The following ATRN variants were observed in gnomAD, a reference collection of about 807,000 sequenced individuals.
ATRN encodes attractin-2.
A neutral mutation model predicts 178.7 loss-of-function variants in ATRN; 54 were observed. That is an observed-to-expected ratio of 0.30 (90% CI 0.24 to 0.38). The LOEUF is 0.38. ATRN is among the 10% of genes least tolerant of loss of function. ATRN has a pLI of 1.00. For missense variants in ATRN, 1,443 were observed against 1,815.1 expected, an observed-to-expected ratio of 0.79 and a Z score of 3.73; for synonymous variants, 636 against 663.0, an observed-to-expected ratio of 0.96 and a Z score of 0.63.
chr20:3,498,154 G>C (rs1204065515), intron 1 of ATRN, among the ~76,000 whole-genome samples: 4 of 152,116 alleles, frequency 2.6e-5, no homozygotes, highest in Non-Finnish European at 5.9e-5. Flanking sequence ...TCTCTGAATA[G>C]ACCAATAACA....
intron 1 of ATRN, among the ~76,000 whole-genome samples, chr20:3,478,476 C>T (rs746425584): frequency 4.6e-5 from 7 of 151,988 alleles, no homozygotes; most frequent in African/African-American, 7.2e-5. Context: ...AACCAAACAC[C>T]GCATGTTCTC....
intron 1 of ATRN, among the ~76,000 whole-genome samples, chr20:3,527,878 T>G (rs2085390685): frequency 7.7e-6 from 1 of 130,080 alleles, no homozygotes; most frequent in African/African-American, 3.0e-5. Context: ...TTAGAACACA[T>G]GAACACAGGG....
intron 1 of ATRN, among the ~76,000 whole-genome samples, chr20:3,516,862 A>T (rs2085212477): frequency 1.3e-5 from 2 of 152,016 alleles, no homozygotes; most frequent in South Asian, 2.1e-4. Context: ...TATATGTGCC[A>T]CATTTTCTTT....
rs116913903 is a variant in ATRN, at chr20:3,558,184, A to C, written c.1113-1209A>C. ...TTATACATTACAGATATATGAAAGT[A>C]TAGTAGAATTAATAAATTTTCTGTT... On this transcript the variant is annotated intron_variant, in intron 6 of 28. Coordinates refer to ENST00000262919, the MANE Select transcript of ATRN (RefSeq NM_139321.3). Among the ~76,000 whole-genome samples, 50 of 152,348 alleles carry C rather than the reference A, an allele frequency of 3.3e-4. No homozygotes were observed. The East Asian group carries it at 9.4e-3, about 29-fold the overall frequency.
At chr20:3,504,737 A>G (rs866560370) in intron 1 of ATRN, among the ~76,000 whole-genome samples, 1 of 138,148 alleles carries the variant, frequency 7.2e-6, no homozygotes, top group Non-Finnish European at 1.6e-5. Flanking sequence ...AATAATAATA[A>G]TAGACTGCCC....
At chr20:3,533,363 G>T (rs539128936) in intron 1 of ATRN, among the ~76,000 whole-genome samples, 63 of 152,330 alleles carry the variant, frequency 4.1e-4, no homozygotes, top group African/African-American at 1.5e-3. Flanking sequence ...CTAGTAAAAA[G>T]AATTCTGATT....
chr20:3,527,457 C>T (rs1027665235), intron 1 of ATRN, among the ~76,000 whole-genome samples: 9 of 152,138 alleles, frequency 5.9e-5, no homozygotes, highest in South Asian at 2.1e-4. Flanking sequence ...GAAATAGGAA[C>T]GCTTTTACAC....
At chr20:3,574,870 C>T (rs570899899) in intron 12 of ATRN, among the ~76,000 whole-genome samples, 9 of 152,024 alleles carry the variant, frequency 5.9e-5, no homozygotes, top group South Asian at 2.1e-4. Context: ...TTTGTGAGAG[C>T]GGCACCTGCC....
intron 23 of ATRN, among the ~76,000 whole-genome samples, chr20:3,602,314 A>G (rs2086620760): frequency 6.6e-6 from 1 of 151,888 alleles, no homozygotes; most frequent in Non-Finnish European, 1.5e-5. Context: ...TGGGTGACAG[A>G]GTGAAACTCC....
intron 15 of ATRN, among the ~76,000 whole-genome samples, chr20:3,579,743 C>T (rs954239358): frequency 6.6e-6 from 1 of 152,142 alleles, no homozygotes; most frequent in Non-Finnish European, 1.5e-5. Flanking sequence ...AAAGCTCTTT[C>T]AGCAGTTTCA....
Position 3,545,801 on chromosome 20 carries a change from C to T in ATRN, c.648C>T (p.Val216=). ...CTGAGAGAGATGGCAATGAGACTGT[C>T]CCTGAGGTTGTTGCCACATCAGGTT... is the stretch of plus-strand genomic sequence containing the variant. ...IVPERDGNET[V]PEVVATSGYA... The change falls in exon 4 of 29, where the codon GTC becomes GTT. Residue 216 remains valine, a synonymous_variant. Coordinates refer to ENST00000262919, the MANE Select transcript of ATRN (RefSeq NM_139321.3). 3 of 1,614,022 alleles carry T rather than the reference C, an allele frequency of 1.9e-6. No individual in the cohort carries two copies. The highest frequency in any genetic ancestry group is 2.5e-6 in the Non-Finnish European group (3 of 1,179,928).
chr20:3,519,126 C>T (rs901555320), intron 1 of ATRN, among the ~76,000 whole-genome samples: 1 of 151,890 alleles, frequency 6.6e-6, no homozygotes, highest in East Asian at 1.9e-4. Context: ...AGCTGCAGAT[C>T]CTGGAAGATG....
In ATRN at chr20:3,549,288, G is replaced by A; in HGVS notation, c.1062G>A (p.Trp354Ter). The change falls in exon 6 of 29, where the codon TGG becomes TGA. Residue 354 changes from tryptophan (W) to a stop codon, truncating the protein, a stop_gained. Transcript: ENST00000262919. LOFTEE classifies it high-confidence loss of function. ...CTGTGGTCAATGGAAACATTATGTG[G>A]GTTGTTGGAGGATATATGTTCAACC... ...HKAVVNGNIM[W>*]VVGGYMFNHS... 1 of 1,608,734 alleles carries A rather than the reference G, an allele frequency of 6.2e-7. No individual in the cohort carries two copies. The highest frequency in any genetic ancestry group is 8.5e-7 in the Non-Finnish European group (1 of 1,178,236).
intron 24 of ATRN, among the ~76,000 whole-genome samples, chr20:3,614,707 T>C (rs1386914729): frequency 6.6e-6 from 1 of 152,218 alleles, no homozygotes; most frequent in Non-Finnish European, 1.5e-5. Flanking sequence ...TTCAGTGTAT[T>C]CACAGAAGCG....
rs763846365 is a variant in ATRN at position 3,547,455 on chromosome 20, T to C, written c.909T>C (p.Asp303=). The change falls in exon 5 of 29, where the codon GAT becomes GAC. Residue 303 remains aspartate (D), a synonymous_variant. Coordinates refer to ENST00000262919, the MANE Select transcript of ATRN (RefSeq NM_139321.3). ...FPHRGICNSS[D]VRGCSCFSDW... is the part of the protein sequence containing the mutation. The stretch of plus-strand genomic sequence containing the variant: ...ATCGAGGCATCTGCAATTCAAGTGA[T>C]GTCAGAGGATGCTCCTGCTTCTCAG... 1.9e-6 allele frequency: 3 copies of C among 1,614,146 alleles called. No individual in the cohort carries two copies. The highest frequency in any genetic ancestry group is 2.5e-6 in the Non-Finnish European group (3 of 1,179,966).
rs2086530177 is a variant in ATRN at position 3,596,422 on chromosome 20, A to G, written c.3462A>G (p.Thr1154=). Residue 1154 remains threonine (T), a synonymous_variant, in exon 21 of 29, where the codon ACA becomes ACG. Transcript: ENST00000262919. The stretch of plus-strand genomic sequence containing the variant: ...ACCAAGGAAACCCTCTCAGAGGAAC[A>G]TGTTATTGTAAGTGGTTTTGCAATT... ...NRYQGNPLRG[T]CYYTLLIDYQ... 1.2e-6 allele frequency: 2 copies of G among 1,613,404 alleles called. No homozygotes were observed. Among genetic ancestry groups the G allele is most frequent in the East Asian group, 2.2e-5 (1 of 44,854 alleles).
At chr20:3,535,102 T>C in intron 1 of ATRN, 151 bp from the exon 2 acceptor site, 1 of 230,560 alleles carries the variant, frequency 4.3e-6, no homozygotes, top group Non-Finnish European at 8.3e-6. Flanking sequence ...CATTTTCTAC[T>C]GGTTATAGTG....
chr20:3,627,677 G>A (rs2086953383), intron 25 of ATRN, among the ~76,000 whole-genome samples: 1 of 152,136 alleles, frequency 6.6e-6, no homozygotes, highest in East Asian at 1.9e-4. Flanking sequence ...CTCCAGAAGG[G>A]TATTTGATGA....
rs2086732809 is a variant in ATRN at position 3,609,623 on chromosome 20, G to A, written c.3801+5361G>A. On this transcript the variant is annotated intron_variant, in intron 24 of 28. Transcript: ENST00000262919. ...ATGAAACCCTTTGTTGTATTCCAAT[G>A]TTGATAGCATTATTCACAGTAATCA... is the stretch of plus-strand genomic sequence containing the variant. Among the ~76,000 whole-genome samples, 3 of 151,956 alleles carry A rather than the reference G, an allele frequency of 2.0e-5. No individual in the cohort carries two copies. In the South Asian group the frequency reaches 6.2e-4, roughly 32 times the overall value.
Sources: gnomAD v4.1 joint callset for allele counts (sites outside exome capture counted in the v4.1 genomes callset) on GRCh38, gnomAD v4.1.1 for gene constraint, MANE v1.5 for transcripts, NCBI Gene and HGNC (gene_info 2026-07-23, HGNC 2026-07-21) for gene names.